Variants in CFAP96 observed in about 807,000 individuals in gnomAD.
CFAP96 encodes cilia and flagella associated protein 96.
At chr4:185,415,074 A>C in the CFAP96 span, 1 of 1,193,834 alleles carries the variant, frequency 8.4e-7, no homozygotes, top group Non-Finnish European at 1.2e-6. Flanking sequence ...AATACCTTCC[A>C]TTTAGTGGAA....
At chr4:185,419,710 A>T in the CFAP96 span, among the ~76,000 whole-genome samples, 2 of 152,216 alleles carry the variant, frequency 1.3e-5, no homozygotes, top group South Asian at 4.1e-4. Context: ...TCTTTCACTT[A>T]GCTTAATGTT....
the CFAP96 span, among the ~76,000 whole-genome samples, chr4:185,420,405 T>C: frequency 6.6e-6 from 1 of 152,194 alleles, no homozygotes; most frequent in Non-Finnish European, 1.5e-5. Flanking sequence ...AAGACAATCT[T>C]TCAATACTCA....
chr4:185,434,784 G>T, the CFAP96 span, among the ~76,000 whole-genome samples: 1 of 152,098 alleles, frequency 6.6e-6, no homozygotes, highest in African/African-American at 2.4e-5. Context: ...TGTCATCCAA[G>T]CTGGAGTGCA....
the CFAP96 span, chr4:185,413,956 T>C: frequency 7.9e-7 from 1 of 1,261,834 alleles, no homozygotes; most frequent in Non-Finnish European, 1.1e-6. Context: ...TTATTAAACA[T>C]GGAAAATTAT....
chr4:185,426,116 G>A, the CFAP96 span: 1 of 572,226 alleles, frequency 1.7e-6, no homozygotes. Flanking sequence ...CTGTCCTACA[G>A]AAGCTCACAC....
the CFAP96 span, among the ~76,000 whole-genome samples, chr4:185,425,685 CT>C: frequency 6.6e-6 from 1 of 152,018 alleles, no homozygotes; most frequent in Non-Finnish European, 1.5e-5. Context: ...GTGTAGGGCA[CT>C]TTCCCCCCGG....
At chr4:185,426,028 C>G in the CFAP96 span, 6 of 755,566 alleles carry the variant, frequency 7.9e-6, no homozygotes, top group African/African-American at 1.7e-5. Flanking sequence ...CGTACCACAC[C>G]GCAGTCCCTC....
chr4:185,432,968 G>T, the CFAP96 span, among the ~76,000 whole-genome samples: 31 of 152,146 alleles, frequency 2.0e-4, no homozygotes, highest in South Asian at 6.2e-3. Context: ...TCAGCTCAGT[G>T]CAACCTCTGC....
At chr4:185,426,000 C>A in the CFAP96 span, 1 of 1,059,422 alleles carries the variant, frequency 9.4e-7, no homozygotes, top group Non-Finnish European at 1.4e-6. Flanking sequence ...ACATGCTCGG[C>A]GGCATGACGT....
chr4:185,443,614 G>T, the CFAP96 span, among the ~76,000 whole-genome samples: 22 of 151,496 alleles, frequency 1.5e-4, no homozygotes, highest in African/African-American at 5.1e-4. Context: ...CTCCCAAAGT[G>T]CTGGGATTAC....
At chr4:185,436,817 A>G in the CFAP96 span, among the ~76,000 whole-genome samples, 1 of 151,836 alleles carries the variant, frequency 6.6e-6, no homozygotes, top group Non-Finnish European at 1.5e-5. Flanking sequence ...CATGTTTATG[A>G]ATTGTGATAA....
the CFAP96 span, among the ~76,000 whole-genome samples, chr4:185,447,188 T>C: frequency 1.4e-3 from 39 of 28,096 alleles, no homozygotes; most frequent in African/African-American, 1.8e-3. Context: ...TATTTTTTCT[T>C]TTTTTTTTTT....
At chr4:185,429,310 A>G in the CFAP96 span, 3 of 593,162 alleles carry the variant, frequency 5.1e-6, no homozygotes, top group African/African-American at 4.0e-5. Context: ...TTTCCCCTTT[A>G]TTTTTATTTT....
chr4:185,445,181 C>A, the CFAP96 span: 1 of 1,402,546 alleles, frequency 7.1e-7, no homozygotes. Flanking sequence ...TTGTTTCCAA[C>A]TTTTATACTT....
the CFAP96 span, among the ~76,000 whole-genome samples, chr4:185,437,076 C>G: frequency 1.3e-5 from 2 of 151,994 alleles, no homozygotes; most frequent in African/African-American, 4.8e-5. Context: ...TACTTTTGGG[C>G]TGATCAAGAA....
At chr4:185,422,618 T>A in the CFAP96 span, 3 of 1,167,864 alleles carry the variant, frequency 2.6e-6, no homozygotes, top group Non-Finnish European at 3.7e-6. Context: ...CAAACTCATA[T>A]TCATATAAAT....
At chr4:185,434,422 G>T in the CFAP96 span, among the ~76,000 whole-genome samples, 1 of 151,794 alleles carries the variant, frequency 6.6e-6, no homozygotes, top group African/African-American at 2.4e-5. Flanking sequence ...CATGGAATAT[G>T]TGAAATAACT....
chr4:185,436,458 T>G, the CFAP96 span: 1 of 865,042 alleles, frequency 1.2e-6, no homozygotes. Flanking sequence ...ACATCTGTAA[T>G]CCCAGCACTT....
the CFAP96 span, chr4:185,415,040 CCA>C: frequency 1.1e-6 from 1 of 881,196 alleles, no homozygotes; most frequent in Non-Finnish European, 1.7e-6. Flanking sequence ...AGTCTAAATT[CCA>C]CACTTTTAAG....
Sources: allele counts gnomAD v4.1 joint callset (sites outside exome capture counted in the v4.1 genomes callset), GRCh38; gene constraint gnomAD v4.1.1; transcripts MANE v1.5; gene names NCBI Gene and HGNC (gene_info 2026-07-23, HGNC 2026-07-21).